MACROD2: variants seen among roughly 807,000 people sequenced by gnomAD.
MACROD2 encodes mono-ADP ribosylhydrolase 2.
In MACROD2, 36 loss-of-function variants were observed where a neutral mutation model predicts 70.4. The ratio of observed to expected loss-of-function variants is 0.51; its 90% CI spans 0.39 to 0.68. MACROD2 has a LOEUF of 0.68. Among genes scored for constraint, MACROD2 ranks in the 30% least tolerant of loss-of-function variants. The probability of loss-of-function intolerance (pLI) is 0.00; values close to 1 mark genes in which losing one functional copy is unlikely to be tolerated. For synonymous variants in MACROD2, 172 were observed against 178.8 expected (o/e 0.96, Z 0.30); for missense variants, 496 against 538.4 (o/e 0.92, Z 0.78).
At chr20:14,167,664 C>G (rs2081183586) in intron 3 of MACROD2, among the ~76,000 whole-genome samples, 1 of 152,090 alleles carries the variant, frequency 6.6e-6, no homozygotes, top group Non-Finnish European at 1.5e-5. Flanking sequence ...GCTGGGATTA[C>G]AGGCGTGAGC....
chr20:14,471,978 A>G (rs374339579), intron 3 of MACROD2, among the ~76,000 whole-genome samples: 1 of 152,194 alleles, frequency 6.6e-6, no homozygotes, highest in Admixed American at 6.5e-5. Context: ...GATTTACATG[A>G]TTTAAAATTT....
intron 5 of MACROD2, among the ~76,000 whole-genome samples, chr20:14,694,710 T>A (rs750587254): frequency 6.6e-6 from 1 of 152,196 alleles, no homozygotes; most frequent in Non-Finnish European, 1.5e-5. Context: ...CAGTGACTGG[T>A]GTTTGAGAAA....
chr20:15,354,271 G>A (rs1322222814), intron 6 of MACROD2, among the ~76,000 whole-genome samples: 1 of 151,906 alleles, frequency 6.6e-6, no homozygotes, highest in African/African-American at 2.4e-5. Context: ...AACACCACAC[G>A]TTCTCACTCT....
At chr20:15,487,845 T>C (rs1194322794) in intron 7 of MACROD2, among the ~76,000 whole-genome samples, 2 of 152,086 alleles carry the variant, frequency 1.3e-5, no homozygotes, top group Non-Finnish European at 2.9e-5. Flanking sequence ...AAGCCAATAG[T>C]CAGGGGATTT....
chr20:15,444,512 G>A (rs1339865163), intron 7 of MACROD2, among the ~76,000 whole-genome samples: 1 of 152,062 alleles, frequency 6.6e-6, no homozygotes, highest in Non-Finnish European at 1.5e-5. Context: ...GATGGCTCTG[G>A]TGTCCTGCTG....
rs193021249 is a variant in MACROD2 at position 15,196,048 on chromosome 20, C to T, written c.419-33892C>T. ...TGAATAATGAAAACACATGGACACA[C>T]GGGGGAACGACACACACTGGGGCCC... On this transcript the variant is annotated intron_variant, in intron 5 of 17. Coordinates refer to ENST00000684519, the MANE Select transcript of MACROD2 (RefSeq NM_001351661.2). Among the ~76,000 whole-genome samples, 24 of 152,064 alleles carry T rather than the reference C, an allele frequency of 1.6e-4. 1 individual carries two copies. The highest frequency in any genetic ancestry group is 1.1e-3 in the Admixed American group (17 of 15,258).
chr20:15,240,208 C>A (rs2077049383), intron 6 of MACROD2, among the ~76,000 whole-genome samples: 1 of 152,140 alleles, frequency 6.6e-6, no homozygotes, highest in Non-Finnish European at 1.5e-5. Context: ...TTGTTCCATC[C>A]TTTTTATCAT....
intron 3 of MACROD2, among the ~76,000 whole-genome samples, chr20:14,339,576 A>G (rs204608): frequency 0.7 from 106,225 of 152,060 alleles, 37,656 homozygotes; most frequent in Non-Finnish European, 0.75. Context: ...AGAAAAGAAA[A>G]ATCAATTGGT....
intron 8 of MACROD2, among the ~76,000 whole-genome samples, chr20:15,520,905 C>A (rs73897648): frequency 0.016 from 2,502 of 152,310 alleles, 67 homozygotes; most frequent in African/African-American, 0.057. Context: ...ATGGACTGCA[C>A]ATAGATCTCA....
chr20:15,487,440 T>A (rs780729269), intron 7 of MACROD2, among the ~76,000 whole-genome samples: 1 of 152,208 alleles, frequency 6.6e-6, no homozygotes, highest in Non-Finnish European at 1.5e-5. Context: ...TATCATATAA[T>A]GTACTTTTAA....
intron 5 of MACROD2, among the ~76,000 whole-genome samples, chr20:15,200,170 T>A (rs570723580): frequency 6.6e-6 from 1 of 152,254 alleles, no homozygotes; most frequent in East Asian, 1.9e-4. Flanking sequence ...GGGTCATAAG[T>A]TGAAGAAGAA....
intron 2 of MACROD2, among the ~76,000 whole-genome samples, chr20:14,011,680 C>T (rs2052909381): frequency 1.3e-5 from 2 of 152,028 alleles, no homozygotes; most frequent in Admixed American, 6.5e-5. Flanking sequence ...AGGCGCCCGC[C>T]ACCACACCTG....
At chr20:15,655,710 CAT>C in intron 8 of MACROD2, among the ~76,000 whole-genome samples, 1 of 152,244 alleles carries the variant, frequency 6.6e-6, no homozygotes, top group Admixed American at 6.5e-5. Flanking sequence ...TCAAGGAAAA[CAT>C]ATACTGGAAA....
chr20:15,072,030 A>C (rs414413), intron 5 of MACROD2, among the ~76,000 whole-genome samples: 110,418 of 152,060 alleles, frequency 0.73, 40,599 homozygotes, highest in African/African-American at 0.84. Flanking sequence ...TTCTCAAAAT[A>C]TATGATTTTA....
chr20:14,857,410 A>G (rs1438814487), intron 5 of MACROD2, among the ~76,000 whole-genome samples: 2 of 152,278 alleles, frequency 1.3e-5, no homozygotes, highest in Admixed American at 6.5e-5. Context: ...ATGCTGGGAG[A>G]TATTTTTTAG....
At chr20:14,093,006 A>C (rs867298546) in intron 3 of MACROD2, among the ~76,000 whole-genome samples, 24 of 152,168 alleles carry the variant, frequency 1.6e-4, no homozygotes, top group African/African-American at 5.6e-4. Context: ...AAAATTCCAC[A>C]TATTTTTATA....
intron 3 of MACROD2, among the ~76,000 whole-genome samples, chr20:14,443,511 G>T (rs1474976516): frequency 6.6e-6 from 1 of 151,946 alleles, no homozygotes; most frequent in Non-Finnish European, 1.5e-5. Context: ...TGGTCAGGCT[G>T]GTCTTGAACT....
At chr20:14,886,963 C>T (rs1454867836) in intron 5 of MACROD2, among the ~76,000 whole-genome samples, 2 of 152,082 alleles carry the variant, frequency 1.3e-5, no homozygotes, top group Non-Finnish European at 2.9e-5. Flanking sequence ...TCTGTGGGAC[C>T]ACAAGATGAT....
intron 6 of MACROD2, among the ~76,000 whole-genome samples, chr20:15,355,080 A>C (rs2078271574): frequency 6.6e-6 from 1 of 152,214 alleles, no homozygotes; most frequent in Admixed American, 6.5e-5. Context: ...GTTTCAACCC[A>C]ACTGATCTAA....
Sources: allele counts gnomAD v4.1 joint callset (sites outside exome capture counted in the v4.1 genomes callset), GRCh38; gene constraint gnomAD v4.1.1; transcripts MANE v1.5; gene names NCBI Gene and HGNC (gene_info 2026-07-23, HGNC 2026-07-21).